PADI4: variants seen among roughly 807,000 people sequenced by gnomAD.
The protein encoded by PADI4 is protein-arginine deiminase type-4.
Under a neutral mutation model 75.0 loss-of-function variants are expected in PADI4, and 62 were observed. That is an observed-to-expected ratio of 0.83 (90% CI 0.67 to 1.02). The LOEUF is 1.02. PADI4 is among the 50% of genes least tolerant of loss of function. The pLI, the probability that PADI4 is intolerant of heterozygous loss-of-function variation, is 0.00. For synonymous variants in PADI4, 361 were observed against 348.1 expected, an observed-to-expected ratio of 1.04 and a Z score of -0.41; for missense variants, 845 against 850.5, an observed-to-expected ratio of 0.99 and a Z score of 0.08.
rs530961006 is a variant in PADI4, at chr1:17,315,483, AAG to A, written c.92+7175_92+7176del. ...AAGAGCAGGCGGAGGATAAAAGGGA[AAG>A]AGAGAAAAATTGAGAGGGATATGGA... On this transcript the variant is annotated intron_variant, in intron 1 of 15. Transcript: ENST00000375448. Among the ~76,000 whole-genome samples, 541 of 152,276 alleles carry A rather than the reference AAG, an allele frequency of 3.6e-3. 5 individuals are homozygous for A. Among genetic ancestry groups the A allele is most frequent in the African/African-American group, 8.7e-3 (363 of 41,548 alleles).
chr1:17,351,389 G>A (rs528023517), intron 10 of PADI4, among the ~76,000 whole-genome samples: 36 of 147,856 alleles, frequency 2.4e-4, no homozygotes, highest in African/African-American at 8.5e-4. Context: ...CCAGGAGTTC[G>A]AGACCAGCCT....
chr1:17,361,893 A>C (rs2074852831), intron 15 of PADI4, among the ~76,000 whole-genome samples: 1 of 152,234 alleles, frequency 6.6e-6, no homozygotes. Context: ...TTGAGTGCCT[A>C]CGACGTGCAA....
intron 11 of PADI4, among the ~76,000 whole-genome samples, chr1:17,355,640 C>G (rs1301798564): frequency 6.6e-6 from 1 of 151,980 alleles, no homozygotes; most frequent in East Asian, 1.9e-4. Context: ...GTCCCCAAGG[C>G]CACATGGCTA....
intron 8 of PADI4, 35 bp from the exon 9 acceptor site, chr1:17,345,993 A>G (rs369669596): frequency 3.7e-5 from 51 of 1,370,618 alleles, no homozygotes; most frequent in Non-Finnish European, 4.8e-5. Context: ...TTCAAATTCC[A>G]GAGCACTAAG....
chr1:17,342,214 G>T, intron 7 of PADI4, 85 bp from the exon 8 acceptor site: 1 of 1,442,656 alleles, frequency 6.9e-7, no homozygotes, highest in Non-Finnish European at 9.7e-7. Flanking sequence ...TGGGCAGGGG[G>T]ACTCCAAACA....
At chr1:17,351,442 TTAAAAA>T (rs2074619149) in intron 10 of PADI4, among the ~76,000 whole-genome samples, 1 of 145,060 alleles carries the variant, frequency 6.9e-6, no homozygotes, top group African/African-American at 2.6e-5. Context: ...AAAAAAAAAA[TTAAAAA>T]TAAAAATAAA....
intron 3 of PADI4, among the ~76,000 whole-genome samples, chr1:17,335,290 C>T (rs186792621): frequency 6.6e-6 from 1 of 152,244 alleles, no homozygotes; most frequent in African/African-American, 2.4e-5. Flanking sequence ...TGTGCTAAGA[C>T]TTTACATTTA....
chr1:17,362,911 C>A (rs2100266283), intron 15 of PADI4, among the ~76,000 whole-genome samples: 1 of 152,142 alleles, frequency 6.6e-6, no homozygotes, highest in South Asian at 2.1e-4. Context: ...ACTGAAACCT[C>A]CACTTCCTGG....
chr1:17,355,502 T>A (rs909793891), intron 11 of PADI4, among the ~76,000 whole-genome samples: 1 of 150,160 alleles, frequency 6.7e-6, no homozygotes, highest in Non-Finnish European at 1.5e-5. Context: ...TGAGCCGAGA[T>A]TGTGCCAGCC....
intron 1 of PADI4, among the ~76,000 whole-genome samples, chr1:17,311,137 C>G (rs1156609068): frequency 2.6e-5 from 4 of 151,792 alleles, no homozygotes; most frequent in Non-Finnish European, 5.9e-5. Context: ...GTGGCACATG[C>G]CTGTAATCTC....
At chr1:17,319,372 T>A (rs2073995963) in intron 1 of PADI4, among the ~76,000 whole-genome samples, 1 of 152,028 alleles carries the variant, frequency 6.6e-6, no homozygotes, top group South Asian at 2.1e-4. Flanking sequence ...TCAAGACCAG[T>A]CTGGAGATAA....
chr1:17,340,591 C>A (rs2074399876), intron 6 of PADI4, among the ~76,000 whole-genome samples: 1 of 151,678 alleles, frequency 6.6e-6, no homozygotes, highest in Admixed American at 6.6e-5. Context: ...GCTAGTGCAG[C>A]TGGGGCGGAA....
In PADI4 at chr1:17,354,590, G is replaced by C. The variant is rs766037075; in HGVS notation, c.1213G>C (p.Asp405His). 17 of 1,614,034 alleles carry C rather than the reference G, an allele frequency of 1.1e-5. No individual in the cohort carries two copies. Among genetic ancestry groups the C allele is most frequent in the Non-Finnish European group, 1.4e-5 (17 of 1,180,004 alleles). ...CCAAACAGGGGGTATCAGTGGACTG[G>C]ACTCCTTTGGGAACCTGGAAGTGAG... ...GPQTGGISGLDSFGNLEVSPP... is the reference protein window; with the variant it reads ...GPQTGGISGLHSFGNLEVSPP... Residue 405 changes from aspartate to histidine, a missense_variant, in exon 11 of 16, where the codon GAC (aspartate) becomes CAC (histidine). Asp to His is a moderately conservative substitution (Grantham distance 81, BLOSUM62 -1). Coordinates refer to ENST00000375448, the MANE Select transcript of PADI4 (RefSeq NM_012387.3).
chr1:17,328,762 AT>A (rs1275107479), intron 1 of PADI4, among the ~76,000 whole-genome samples: 4 of 152,034 alleles, frequency 2.6e-5, no homozygotes, highest in Non-Finnish European at 4.4e-5. Flanking sequence ...GCCAAATTAT[AT>A]TCTGCCTTTT....
chr1:17,356,215 T>C lies in PADI4; in HGVS notation c.1455+88T>C, dbSNP rs2074757667. ...GGTGGGAGCAACTTTACTTGTCTAT[T>C]TCTCCTTCACCCTTAGGATGGCAGT... is the stretch of plus-strand genomic sequence containing the variant. On this transcript the variant is annotated intron_variant, in intron 12 of 15. Coordinates refer to ENST00000375448, the MANE Select transcript of PADI4 (RefSeq NM_012387.3). This position sits in a 1 kb window ranked among gnomAD's most constrained non-coding sequence, Gnocchi z 4.1. 4.1e-6 allele frequency: 6 copies of C among 1,463,152 alleles called. No homozygotes were observed. In the Admixed American group the frequency reaches 1.1e-4, roughly 27 times the overall value. The allele number at this position is 1,463,152 out of a possible 1,614,324, so 90.6% of individuals were successfully genotyped here.
Position 17,352,186 on chromosome 1 carries a change from G to A in PADI4, c.1156-2347G>A, listed in dbSNP as rs890659236. Among the ~76,000 whole-genome samples the A allele has an allele frequency of 6.6e-3, 766 of 116,178 alleles. 11 individuals carry two copies. Among genetic ancestry groups the A allele is most frequent in the African/African-American group, 0.016 (541 of 33,248 alleles). The allele number at this position is 116,178 out of a possible 152,430, so 76.2% of individuals were successfully genotyped here. On this transcript the variant is annotated intron_variant, in intron 10 of 15. Coordinates refer to ENST00000375448, the MANE Select transcript of PADI4 (RefSeq NM_012387.3). The stretch of plus-strand genomic sequence containing the variant: ...GTGATGAGAGGTGGTAGGAGAGGCG[G>A]TCAGGGAGGAGATGGGAGGTGGTAA...
At chr1:17,361,801 A>G (rs1302256539) in intron 15 of PADI4, among the ~76,000 whole-genome samples, 1 of 152,240 alleles carries the variant, frequency 6.6e-6, no homozygotes, top group Admixed American at 6.5e-5. Context: ...TGGAGGAAGC[A>G]GAGTCATTTA....
chr1:17,345,104 G>A (rs889708499), intron 8 of PADI4, among the ~76,000 whole-genome samples: 3 of 152,248 alleles, frequency 2.0e-5, no homozygotes, highest in Non-Finnish European at 4.4e-5. Context: ...CCCACCTCTT[G>A]TGTCAGCATG....
At chr1:17,343,970 G>C (rs940084630) in intron 8 of PADI4, among the ~76,000 whole-genome samples, 9 of 152,222 alleles carry the variant, frequency 5.9e-5, no homozygotes, top group African/African-American at 2.2e-4. Flanking sequence ...CTGGGTAACA[G>C]ACAGAGGTTG....
Sources: allele counts gnomAD v4.1 joint callset (sites outside exome capture counted in the v4.1 genomes callset), GRCh38; gene constraint gnomAD v4.1.1; non-coding constraint Gnocchi (gnomAD v3.1); transcripts MANE v1.5; gene names NCBI Gene and HGNC (gene_info 2026-07-23, HGNC 2026-07-21).